Variants in PRKCE observed in about 807,000 individuals in gnomAD.
PRKCE encodes protein kinase C epsilon, also known as protein kinase C epsilon type.
A neutral mutation model predicts 85.4 loss-of-function variants in PRKCE; 16 were observed. The ratio of observed to expected loss-of-function variants is 0.19; its 90% confidence interval spans 0.13 to 0.28. The LOEUF (loss-of-function observed/expected upper bound fraction) is 0.28. PRKCE is among the 10% of genes least tolerant of loss of function. The pLI is 1.00. For synonymous variants in PRKCE, 388 were observed against 371.5 expected (o/e 1.04, Z -0.51); for missense variants, 573 against 975.2 (o/e 0.59, Z 5.49).
intron 1 of PRKCE, among the ~76,000 whole-genome samples, chr2:45,791,929 G>T (rs1025312949): frequency 1.3e-5 from 2 of 152,182 alleles, no homozygotes; most frequent in Non-Finnish European, 2.9e-5. Context: ...GAGGATAATG[G>T]CACCTGTTCC....
At position 45,956,317 on chromosome 2, in the gene PRKCE, A is replaced by T. The variant is rs565279265; in HGVS notation, c.413-20112A>T. Among the ~76,000 whole-genome samples, 3 of 152,232 alleles carry T rather than the reference A, an allele frequency of 2.0e-5. No homozygotes were observed. In the South Asian group the frequency reaches 6.2e-4, roughly 32 times the overall value. ...GGTTTTTATGTAAACATAACTTTTT[A>T]TTTCATTTGAATAAATATCTGGAAG... On this transcript the variant is annotated intron_variant, in intron 2 of 14. Transcript: ENST00000306156.
At chr2:45,992,469 G>A (rs1225378942) in intron 6 of PRKCE, among the ~76,000 whole-genome samples, 4 of 152,182 alleles carry the variant, frequency 2.6e-5, no homozygotes, top group Admixed American at 1.3e-4. Flanking sequence ...CTGCGTGAAC[G>A]ACTTTGCGGT....
intron 2 of PRKCE, among the ~76,000 whole-genome samples, chr2:45,904,167 A>G (rs777900531): frequency 2.0e-5 from 3 of 152,034 alleles, no homozygotes; most frequent in Non-Finnish European, 2.9e-5. Context: ...GCCTCCCAAT[A>G]TGCTGGGATT....
At chr2:46,106,875 G>T (rs1254306061) in intron 11 of PRKCE, among the ~76,000 whole-genome samples, 1 of 152,298 alleles carries the variant, frequency 6.6e-6, no homozygotes, top group African/African-American at 2.4e-5. Flanking sequence ...ACCAAGTATT[G>T]TGCTTACGCT....
chr2:45,919,219 C>T (rs1263965665), intron 2 of PRKCE, among the ~76,000 whole-genome samples: 2 of 152,174 alleles, frequency 1.3e-5, no homozygotes, highest in South Asian at 2.1e-4. Context: ...GGGCTGATGC[C>T]GTACGGACAA....
chr2:46,085,078 T>C (rs1350188732), intron 10 of PRKCE, among the ~76,000 whole-genome samples: 1 of 152,194 alleles, frequency 6.6e-6, no homozygotes, highest in African/African-American at 2.4e-5. Flanking sequence ...CAATGGCTTG[T>C]AATTATTTGC....
At chr2:45,763,694 C>T (rs1426377843) in intron 1 of PRKCE, among the ~76,000 whole-genome samples, 2 of 152,170 alleles carry the variant, frequency 1.3e-5, no homozygotes, top group African/African-American at 2.4e-5. Context: ...TGCTGCCCTT[C>T]TGCCCAGACT....
intron 1 of PRKCE, among the ~76,000 whole-genome samples, chr2:45,822,570 G>C (rs1689623739): frequency 6.6e-6 from 1 of 152,212 alleles, no homozygotes; most frequent in African/African-American, 2.4e-5. Flanking sequence ...CTGGGCTGGG[G>C]TGCCCTGTAA....
intron 2 of PRKCE, among the ~76,000 whole-genome samples, chr2:45,941,873 G>T (rs942400078): frequency 2.0e-5 from 3 of 151,980 alleles, no homozygotes; most frequent in Non-Finnish European, 4.4e-5. Flanking sequence ...GGAGGGGGAG[G>T]TTCTTTATTG....
chr2:46,106,815 G>A (rs1671761072), intron 11 of PRKCE, among the ~76,000 whole-genome samples: 1 of 152,196 alleles, frequency 6.6e-6, no homozygotes, highest in Non-Finnish European at 1.5e-5. Flanking sequence ...GAGTTATGGA[G>A]GGTTAGGGCT....
chr2:45,985,342 G>A (rs534891014), intron 6 of PRKCE, among the ~76,000 whole-genome samples: 7 of 152,280 alleles, frequency 4.6e-5, no homozygotes, highest in South Asian at 2.1e-4. Flanking sequence ...TAAGTGGCAC[G>A]GGGAGTAGCA....
intron 14 of PRKCE, among the ~76,000 whole-genome samples, chr2:46,170,424 A>G (rs1227556535): frequency 6.6e-6 from 1 of 152,246 alleles, no homozygotes; most frequent in Non-Finnish European, 1.5e-5. Flanking sequence ...ATGAGTCCCC[A>G]TGTGTTCATC....
At chr2:45,704,092 T>C (rs937437114) in intron 1 of PRKCE, among the ~76,000 whole-genome samples, 11 of 152,300 alleles carry the variant, frequency 7.2e-5, no homozygotes, top group African/African-American at 2.6e-4. Context: ...GGGCGATGCA[T>C]AGCTGAATAG....
intron 1 of PRKCE, among the ~76,000 whole-genome samples, chr2:45,741,162 G>T (rs1450207817): frequency 6.6e-6 from 1 of 152,220 alleles, no homozygotes; most frequent in African/African-American, 2.4e-5. Flanking sequence ...ATCGGTGCCT[G>T]TAAAGGAGTC....
intron 2 of PRKCE, among the ~76,000 whole-genome samples, chr2:45,857,702 C>T (rs1231308821): frequency 6.6e-6 from 1 of 151,988 alleles, no homozygotes; most frequent in Non-Finnish European, 1.5e-5. Flanking sequence ...CATGAGCCAC[C>T]ACACCCAGCA....
chr2:45,908,297 T>A (rs1697132209), intron 2 of PRKCE, among the ~76,000 whole-genome samples: 2 of 152,156 alleles, frequency 1.3e-5, no homozygotes, highest in African/African-American at 4.8e-5. Flanking sequence ...AAGAAGCAAG[T>A]GCTGAAGAGG....
intron 1 of PRKCE, among the ~76,000 whole-genome samples, chr2:45,749,675 C>G (rs1428095197): frequency 2.0e-5 from 3 of 152,150 alleles, no homozygotes; most frequent in African/African-American, 7.2e-5. Flanking sequence ...TGAAAGAATG[C>G]TATGAAGTGT....
chr2:45,683,556 C>G (rs1039335579), intron 1 of PRKCE, among the ~76,000 whole-genome samples: 4 of 152,166 alleles, frequency 2.6e-5, no homozygotes, highest in African/African-American at 9.7e-5. Context: ...GGATTTTGCT[C>G]TCAAGTACCT....
intron 2 of PRKCE, among the ~76,000 whole-genome samples, chr2:45,916,944 C>T (rs1697833759): frequency 6.6e-6 from 1 of 152,070 alleles, no homozygotes; most frequent in South Asian, 2.1e-4. Context: ...GCAGACCTTC[C>T]CAGTGTTACA....
Sources: gnomAD v4.1 joint callset for allele counts (sites outside exome capture counted in the v4.1 genomes callset) on GRCh38, gnomAD v4.1.1 for gene constraint, MANE v1.5 for transcripts, NCBI Gene and HGNC (gene_info 2026-07-23, HGNC 2026-07-21) for gene names.